The following EYS variants were observed in gnomAD, a reference collection of about 807,000 sequenced individuals.
EYS encodes the protein EGF-like photoreceptor maintenance factor.
Under a neutral mutation model 282.1 loss-of-function variants are expected in EYS, and 250 were observed. The ratio of observed to expected loss-of-function variants is 0.89; its 90% CI spans 0.80 to 0.98. The LOEUF (loss-of-function observed/expected upper bound fraction) is 0.98. Among genes scored for constraint, EYS ranks in the 50% least tolerant of loss-of-function variants. The pLI is 0.00. For missense variants in EYS, 4,016 were observed against 3,709.0 expected (o/e 1.08, Z -2.15); for synonymous variants, 1,355 against 1,282.9 (o/e 1.06, Z -1.20).
intron 35 of EYS, among the ~76,000 whole-genome samples, chr6:63,956,991 A>G (rs747803441): frequency 3.8e-4 from 58 of 152,202 alleles, no homozygotes; most frequent in Non-Finnish European, 7.2e-4. Context: ...ATGTTACTTT[A>G]GCATTTTCTG....
intron 35 of EYS, 62 bp from the exon 36 acceptor site, chr6:63,864,420 A>G (rs2149709781): frequency 8.5e-7 from 1 of 1,181,672 alleles, no homozygotes; most frequent in East Asian, 2.6e-5. Flanking sequence ...ACACACATAC[A>G]CATATATACA....
intron 35 of EYS, among the ~76,000 whole-genome samples, chr6:63,944,998 T>TA (rs894904916): frequency 4.0e-5 from 6 of 151,432 alleles, no homozygotes; most frequent in East Asian, 3.9e-4. Flanking sequence ...ATCACTTTAG[T>TA]AAAAAAAAAT....
chr6:64,819,280 T>A (rs1764829419), intron 21 of EYS, among the ~76,000 whole-genome samples: 1 of 152,102 alleles, frequency 6.6e-6, no homozygotes, highest in Admixed American at 6.6e-5. Flanking sequence ...ACATTCAATA[T>A]CTAAGATTTA....
intron 35 of EYS, among the ~76,000 whole-genome samples, chr6:63,963,547 G>T (rs1444415155): frequency 1.3e-5 from 2 of 152,164 alleles, no homozygotes; most frequent in Non-Finnish European, 2.9e-5. Flanking sequence ...TCCTGGCGCA[G>T]CTTGCTCACA....
chr6:65,067,388 G>A (rs2150163505), intron 12 of EYS, among the ~76,000 whole-genome samples: 1 of 152,084 alleles, frequency 6.6e-6, no homozygotes, highest in African/African-American at 2.4e-5. Context: ...TGAAATCTAA[G>A]ATGCCACAGA....
At chr6:64,289,491 C>T (rs1768623132) in intron 30 of EYS, among the ~76,000 whole-genome samples, 1 of 152,016 alleles carries the variant, frequency 6.6e-6, no homozygotes, top group Non-Finnish European at 1.5e-5. Flanking sequence ...GAAGGCTCTA[C>T]CTCTCCCAAA....
intron 19 of EYS, among the ~76,000 whole-genome samples, chr6:64,852,500 T>G (rs185115026): frequency 3.3e-5 from 5 of 152,256 alleles, no homozygotes; most frequent in Middle Eastern, 3.4e-3. Context: ...GACATTGTGA[T>G]CTTGTGAGTT....
At chr6:64,445,625 A>ACTTCTG (rs1775095402) in intron 26 of EYS, among the ~76,000 whole-genome samples, 1 of 152,218 alleles carries the variant, frequency 6.6e-6, no homozygotes, top group Non-Finnish European at 1.5e-5. Flanking sequence ...CTTCTCATAA[A>ACTTCTG]ATACCTAGAT....
intron 13 of EYS, among the ~76,000 whole-genome samples, chr6:65,003,278 G>A (rs1435919945): frequency 1.4e-5 from 2 of 147,298 alleles, no homozygotes; most frequent in East Asian, 4.3e-4. Flanking sequence ...ATCTCTTATG[G>A]TTGAGACTGC....
At chr6:65,677,226 A>G (rs1200975960) in intron 1 of EYS, among the ~76,000 whole-genome samples, 2 of 151,646 alleles carry the variant, frequency 1.3e-5, no homozygotes, top group East Asian at 3.9e-4. Flanking sequence ...TAGAGAAATT[A>G]GGCAAGAGAA....
chr6:64,793,126 C>T (rs924113901), intron 22 of EYS, among the ~76,000 whole-genome samples: 1 of 152,000 alleles, frequency 6.6e-6, no homozygotes, highest in Non-Finnish European at 1.5e-5. Flanking sequence ...CCTCCTAGTA[C>T]TATTTATGAG....
At chr6:64,600,558 T>G (rs561778562) in intron 24 of EYS, among the ~76,000 whole-genome samples, 81 of 152,238 alleles carry the variant, frequency 5.3e-4, no homozygotes, top group African/African-American at 1.9e-3. Context: ...TTTAAAAAGA[T>G]TTTTCCACAC....
chr6:65,335,860 T>C (rs769465921), intron 10 of EYS, among the ~76,000 whole-genome samples: 3 of 151,682 alleles, frequency 2.0e-5, no homozygotes, highest in Non-Finnish European at 4.4e-5. Flanking sequence ...CTCAGCCAAA[T>C]TTCATGTTGA....
At chr6:65,470,871 G>A (rs1478078782) in intron 5 of EYS, among the ~76,000 whole-genome samples, 1 of 152,022 alleles carries the variant, frequency 6.6e-6, no homozygotes, top group Non-Finnish European at 1.5e-5. Context: ...AAAATTAAAG[G>A]TGAAGCTATA....
chr6:64,962,943 A>G (rs563178284), intron 14 of EYS, among the ~76,000 whole-genome samples: 3 of 152,332 alleles, frequency 2.0e-5, no homozygotes, highest in East Asian at 3.9e-4. Flanking sequence ...TAGTCCTATT[A>G]TCATATCTCC....
At chr6:64,535,031 T>C (rs2149795594) in intron 26 of EYS, among the ~76,000 whole-genome samples, 1 of 152,294 alleles carries the variant, frequency 6.6e-6, no homozygotes, top group South Asian at 2.1e-4. Flanking sequence ...CTGTCCTTGT[T>C]CATTGTCTTA....
intron 22 of EYS, among the ~76,000 whole-genome samples, chr6:64,636,402 A>G (rs1767983407): frequency 6.6e-6 from 1 of 152,214 alleles, no homozygotes; most frequent in Non-Finnish European, 1.5e-5. Context: ...GAAAGCTGAA[A>G]CTGGATCCCG....
chr6:63,779,746 TC>T (rs67708148), intron 39 of EYS, among the ~76,000 whole-genome samples: 13,659 of 141,778 alleles, frequency 0.096, 731 homozygotes, highest in East Asian at 0.17. Flanking sequence ...GCTTTCTTTT[TC>T]TTTTTTTTGT....
At chr6:65,116,654 G>T (rs9294634) in intron 12 of EYS, among the ~76,000 whole-genome samples, 39,818 of 151,772 alleles carry the variant, frequency 0.26, 6,410 homozygotes, top group African/African-American at 0.45. Flanking sequence ...TAGCCAGGAA[G>T]GTAAATGAAG....
Sources: gnomAD v4.1 joint callset for allele counts (sites outside exome capture counted in the v4.1 genomes callset) on GRCh38, gnomAD v4.1.1 for gene constraint, MANE v1.5 for transcripts, NCBI Gene and HGNC (gene_info 2026-07-23, HGNC 2026-07-21) for gene names.